Variants in NFIA observed in about 807,000 individuals in gnomAD.
The protein encoded by NFIA is nuclear factor I A.
In NFIA, 8 loss-of-function variants were observed where a neutral mutation model predicts 62.8. The observed-to-expected ratio is 0.13, with a 90% CI of 0.07 to 0.23. NFIA has a LOEUF of 0.23. Among genes scored for constraint, NFIA ranks in the 10% least tolerant of loss-of-function variants. NFIA has a pLI of 1.00. For synonymous variants in NFIA, 235 were observed against 238.1 expected (o/e 0.99, Z 0.12); for missense variants, 410 against 642.1 (o/e 0.64, Z 3.91).
chr1:61,348,204 A>T (rs1662351568), intron 4 of NFIA, among the ~76,000 whole-genome samples: 1 of 152,222 alleles, frequency 6.6e-6, no homozygotes, highest in Admixed American at 6.5e-5. Context: ...TGGCTGTGAC[A>T]GTGTCACTGA....
At chr1:61,354,252 C>T (rs529391497) in intron 5 of NFIA, among the ~76,000 whole-genome samples, 3 of 152,082 alleles carry the variant, frequency 2.0e-5, no homozygotes, top group Admixed American at 6.6e-5. Flanking sequence ...GTTAATAACC[C>T]GGTAATATGT....
At position 61,432,694 on chromosome 1, in the gene NFIA, A is replaced by G. The variant is rs181963093; in HGVS notation, c.1512+6138A>G. ...ATATATATACACATGTATATATCCC[A>G]CCCTGCAACCCTACCTCATCTTCTA... On this transcript the variant is annotated intron_variant, in intron 10 of 10. Coordinates refer to ENST00000403491, the MANE Select transcript of NFIA (RefSeq NM_001134673.4). Among the ~76,000 whole-genome samples, 419 of 151,542 alleles carry G rather than the reference A, an allele frequency of 2.8e-3. 3 individuals are homozygous for G. The highest frequency in any genetic ancestry group is 8.4e-3 in the South Asian group (40 of 4,760).
At chr1:61,406,109 T>A (rs1257985665) in intron 8 of NFIA, among the ~76,000 whole-genome samples, 2 of 152,172 alleles carry the variant, frequency 1.3e-5, no homozygotes, top group Non-Finnish European at 2.9e-5. Flanking sequence ...ATTCTATCTA[T>A]GTAAAGAAAC....
intron 2 of NFIA, among the ~76,000 whole-genome samples, chr1:61,135,822 G>C (rs544294769): frequency 3.9e-5 from 6 of 152,084 alleles, no homozygotes; most frequent in Admixed American, 2.0e-4. Flanking sequence ...CAACTTTCAG[G>C]TTAATAAGAC....
chr1:61,099,247 G>A (rs1412775858), intron 2 of NFIA, among the ~76,000 whole-genome samples: 1 of 152,176 alleles, frequency 6.6e-6, no homozygotes, highest in Non-Finnish European at 1.5e-5. Flanking sequence ...AATCTTGGAG[G>A]TGCTGGAGTG....
At chr1:61,314,910 G>T in intron 3 of NFIA, among the ~76,000 whole-genome samples, 1 of 152,104 alleles carries the variant, frequency 6.6e-6, no homozygotes, top group East Asian at 1.9e-4. Flanking sequence ...TTGATGACAC[G>T]AAATATTTTG....
At chr1:61,108,369 G>T (rs1646639935) in intron 2 of NFIA, among the ~76,000 whole-genome samples, 1 of 151,460 alleles carries the variant, frequency 6.6e-6, no homozygotes, top group Non-Finnish European at 1.5e-5. Context: ...TTTGTAAATT[G>T]TTTTTAATAT....
In NFIA at chr1:61,455,526, T is replaced by TA. The variant is rs1553123822; in HGVS notation, c.*210dup. On this transcript the variant is annotated 3_prime_UTR_variant, in exon 11 of 11. Transcript: ENST00000403491. ...TAACCTTTTGGGATTTTTTTTTTTT[T>TA]AAAATACTTTAGGGACTGTTGTAAT... The TA allele has an allele frequency of 6.9e-4, 480 of 694,944 alleles. No homozygotes were observed. The East Asian group carries it at 7.7e-3, about 11-fold the overall frequency. 43.0% of individuals were successfully genotyped at this position (694,944 alleles called of 1,614,324 possible). A position where few individuals can be genotyped will look rare whatever the true frequency, so the allele number is the denominator to read the frequency against.
At chr1:61,202,267 C>T (rs75388438) in intron 2 of NFIA, among the ~76,000 whole-genome samples, 4,744 of 152,222 alleles carry the variant, frequency 0.031, 131 homozygotes, top group Middle Eastern at 0.065. Context: ...CAGGAAAACA[C>T]TGTGGTCAAT....
chr1:61,367,891 G>A (rs917925938), intron 6 of NFIA, among the ~76,000 whole-genome samples: 3 of 151,790 alleles, frequency 2.0e-5, no homozygotes, highest in African/African-American at 4.8e-5. Context: ...AGTACCTGGC[G>A]ACTTAGTAGC....
chr1:61,133,136 A>G (rs530381820), intron 2 of NFIA: 3 of 151,408 alleles, frequency 2.0e-5, no homozygotes, highest in Admixed American at 1.3e-4. Context: ...TTTTATAGGC[A>G]TTTTTTTTTC....
chr1:61,186,011 C>G (rs1022652779), intron 2 of NFIA, among the ~76,000 whole-genome samples: 1 of 152,160 alleles, frequency 6.6e-6, no homozygotes, highest in African/African-American at 2.4e-5. Context: ...TTTTCCTAAT[C>G]ACATTGGGAA....
intron 3 of NFIA, among the ~76,000 whole-genome samples, chr1:61,322,603 G>A (rs1342555054): frequency 6.6e-6 from 1 of 152,152 alleles, no homozygotes; most frequent in Non-Finnish European, 1.5e-5. Context: ...TTCTGGTTGT[G>A]GCCACTCCTA....
chr1:61,439,664 T>C (rs975779539), intron 10 of NFIA: 2 of 152,154 alleles, frequency 1.3e-5, no homozygotes, highest in African/African-American at 4.8e-5. Flanking sequence ...AGATGAATTG[T>C]GGTTATGGGA....
intron 1 of NFIA, among the ~76,000 whole-genome samples, chr1:61,084,852 TTTTTTTTTTC>T (rs1311472086): frequency 6.6e-6 from 1 of 151,062 alleles, no homozygotes; most frequent in Non-Finnish European, 1.5e-5. Flanking sequence ...TTAAGAGAGT[TTTTTTTTTTC>T]TTTTTTTTTC....
At position 61,279,688 on chromosome 1, in the gene NFIA, G is replaced by T. The variant is rs140660695; in HGVS notation, c.625+2103G>T. Among the ~76,000 whole-genome samples the T allele has an allele frequency of 2.6e-3, 398 of 152,266 alleles. 3 individuals are homozygous for T. The highest frequency in any genetic ancestry group is 9.0e-3 in the African/African-American group (375 of 41,550). On this transcript the variant is annotated intron_variant, in intron 3 of 10. Coordinates refer to ENST00000403491, the MANE Select transcript of NFIA (RefSeq NM_001134673.4). Reference sequence around the variant, plus strand: ...GTATTTAGGTCTGGCCGCCCCTCTAGCAGGCCTGTGATTCATCTGTCTTCA... The same window carrying T: ...GTATTTAGGTCTGGCCGCCCCTCTATCAGGCCTGTGATTCATCTGTCTTCA...
intron 10 of NFIA, among the ~76,000 whole-genome samples, chr1:61,436,149 A>G (rs1644601110): frequency 6.6e-6 from 1 of 152,078 alleles, no homozygotes; most frequent in South Asian, 2.1e-4. Context: ...GTTGCAGGGG[A>G]GCTCTGTGAA....
At chr1:61,453,680 C>T (rs1185250725) in intron 10 of NFIA, among the ~76,000 whole-genome samples, 1 of 152,056 alleles carries the variant, frequency 6.6e-6, no homozygotes, top group Non-Finnish European at 1.5e-5. Context: ...AAGCATTATT[C>T]CCCGCACCCA....
chr1:61,109,984 A>G (rs539445826), intron 2 of NFIA, among the ~76,000 whole-genome samples: 35 of 152,068 alleles, frequency 2.3e-4, no homozygotes, highest in East Asian at 1.9e-4. Flanking sequence ...AGTATAATGT[A>G]TAGCCTTTAA....
Sources: allele counts gnomAD v4.1 joint callset (sites outside exome capture counted in the v4.1 genomes callset), GRCh38; gene constraint gnomAD v4.1.1; transcripts MANE v1.5; gene names NCBI Gene and HGNC (gene_info 2026-07-23, HGNC 2026-07-21).